ADCY7: variants seen among roughly 807,000 people sequenced by gnomAD.
The protein encoded by ADCY7 is adenylate cyclase type 7.
A neutral mutation model predicts 120.6 loss-of-function variants in ADCY7; 72 were observed. The ratio of observed to expected loss-of-function variants is 0.60; its 90% CI spans 0.49 to 0.73. The LOEUF is 0.73. Among genes scored for constraint, ADCY7 ranks in the 30% least tolerant of loss-of-function variants. ADCY7 has a pLI of 0.00. For missense variants in ADCY7, 1,227 were observed against 1,486.0 expected, an observed-to-expected ratio of 0.83 and a Z score of 2.87; for synonymous variants, 661 against 628.0, an observed-to-expected ratio of 1.05 and a Z score of -0.78.
Position 50,317,771 on chromosome 16 carries a change from C to T in ADCY7, c.*2266C>T, listed in dbSNP as rs1225006639. On this transcript the variant is annotated 3_prime_UTR_variant, in exon 26 of 26. Coordinates refer to ENST00000673801, the MANE Select transcript of ADCY7 (RefSeq NM_001114.5). ...GTCATTTTGTTTTATGACAGACACA[C>T]GTATCTAACAAACAAACAAACAGTG... The T allele has an allele frequency of 1.3e-5, 2 of 152,272 alleles. No homozygotes were observed. The highest frequency in any genetic ancestry group is 1.9e-4 in the East Asian group (1 of 5,340). 9.4% of individuals were successfully genotyped at this position (152,272 alleles called of 1,614,324 possible). A position where few individuals can be genotyped will look rare whatever the true frequency, so the allele number is the denominator to read the frequency against.
intron 7 of ADCY7, among the ~76,000 whole-genome samples, chr16:50,295,522 A>G (rs1243144381): frequency 6.6e-6 from 1 of 151,862 alleles, no homozygotes; most frequent in East Asian, 1.9e-4. Context: ...ACTTGAAAAA[A>G]TATCTGAGGA....
At position 50,314,041 on chromosome 16, in the gene ADCY7, C is replaced by T. The variant is rs192068546; in HGVS notation, c.2835C>T (p.Val945=). The change falls in exon 23 of 26, where the codon GTC becomes GTT. Residue 945 remains valine, a synonymous_variant. Transcript: ENST00000673801. ...STYMAAAGLS[V]ASGHENQELE... is the part of the protein sequence containing the mutation. ...ACATGGCAGCTGCAGGGCTCAGCGT[C>T]GCCTCAGGGCACGAGAACCAGGTAC... is the stretch of plus-strand genomic sequence containing the variant. 62 of 1,614,072 alleles carry T rather than the reference C, an allele frequency of 3.8e-5. 1 individual carries two copies. In the Admixed American group the frequency reaches 5.7e-4, roughly 15 times the overall value.
upstream of ADCY7, among the ~76,000 whole-genome samples, chr16:50,262,390 T>G (rs2033082137): frequency 6.6e-6 from 1 of 152,020 alleles, no homozygotes; most frequent in Non-Finnish European, 1.5e-5. Context: ...CCCGAGTAGC[T>G]GGGATTCAGG....
intron 1 of ADCY7, among the ~76,000 whole-genome samples, chr16:50,257,755 T>C (rs1052275070): frequency 4.0e-5 from 6 of 151,486 alleles, no homozygotes; most frequent in African/African-American, 1.2e-4. Flanking sequence ...ATCTTTTTTT[T>C]TCTTTTTTTG....
At chr16:50,271,742 G>A (rs576310458) in intron 1 of ADCY7, among the ~76,000 whole-genome samples, 6 of 152,220 alleles carry the variant, frequency 3.9e-5, no homozygotes, top group African/African-American at 1.4e-4. Flanking sequence ...TGCCTGGGGT[G>A]TTCTCCCCAA....
rs551578722 is a variant in ADCY7, at chr16:50,288,118, G to A, written c.-62G>A. On this transcript the variant is annotated 5_prime_UTR_variant, in exon 2 of 26. The change abolishes an upstream ATG in the 5' untranslated region. Coordinates refer to ENST00000673801, the MANE Select transcript of ADCY7 (RefSeq NM_001114.5). The stretch of plus-strand genomic sequence containing the variant: ...CGGGGGAGGGTGTTGGCAGACAGAT[G>A]CCCTCCAGGCCCTGGGGCCTCCTTA... 2.4e-4 allele frequency: 356 copies of A among 1,477,156 alleles called. 4 individuals are homozygous for A. The South Asian group carries it at 4.6e-3, about 19-fold the overall frequency. The allele number at this position is 1,477,156 out of a possible 1,614,324, so 91.5% of individuals were successfully genotyped here. A position where few individuals can be genotyped will look rare whatever the true frequency, so the allele number is the denominator to read the frequency against.
chr16:50,292,629 G>A (rs1567556077), intron 4 of ADCY7, 47 bp from the exon 5 acceptor site: 1 of 1,601,796 alleles, frequency 6.2e-7, no homozygotes. Context: ...GCCTCGGGAG[G>A]GCATGGGCCA....
At chr16:50,295,345 ATTTTTTTTTTTTTTTTT>A (rs67137852) in intron 7 of ADCY7, among the ~76,000 whole-genome samples, 3,986 of 82,948 alleles carry the variant, frequency 0.048, 259 homozygotes, top group African/African-American at 0.18. Flanking sequence ...CGCCTGGCTA[ATTTTTTTTTTTTTTTTT>A]TTTTTTTTTT....
At chr16:50,311,849 A>C in intron 20 of ADCY7, 63 bp downstream of exon 20, 1 of 1,218,436 alleles carries the variant, frequency 8.2e-7, no homozygotes, top group Non-Finnish European at 1.2e-6. Context: ...CTCCATCTGG[A>C]GATGGGGTGG....
chr16:50,304,998 C>A, intron 12 of ADCY7, 39 bp downstream of exon 12: 1 of 1,611,826 alleles, frequency 6.2e-7, no homozygotes, highest in African/African-American at 1.3e-5. Flanking sequence ...CTGCTGCAGC[C>A]ACCTCCTCCA....
At chr16:50,314,270 T>C in intron 23 of ADCY7, 22 bp from the exon 24 acceptor site, 1 of 1,609,936 alleles carries the variant, frequency 6.2e-7, no homozygotes. Context: ...TGCAAGGATC[T>C]GACCCACAGC....
intron 23 of ADCY7, 23 bp downstream of exon 23, chr16:50,314,085 AT>A (rs754514013): frequency 3.9e-5 from 62 of 1,606,612 alleles, no homozygotes; most frequent in Non-Finnish European, 5.1e-5. Flanking sequence ...AAGAGGTGAA[AT>A]TCAGCTGACT....
chr16:50,305,050 G>C (rs112669976), intron 12 of ADCY7, 91 bp downstream of exon 12: 4 of 1,506,896 alleles, frequency 2.7e-6, no homozygotes, highest in Non-Finnish European at 2.7e-6. Context: ...GGGCAGCTCC[G>C]CAAGGCCCAG....
rs201801704 is a variant in ADCY7, at chr16:50,292,810, C to T, written c.672C>T (p.Ile224=). The change falls in exon 5 of 26, where the codon ATC becomes ATT. Residue 224 remains isoleucine, a synonymous_variant. Coordinates refer to ENST00000673801, the MANE Select transcript of ADCY7 (RefSeq NM_001114.5). ...TCCAGATCCGCCGGAAGCTGCGCATCGAGAAGCGCCAGCAGGTGGGACCCG... is the reference window on the plus strand; with the variant it reads ...TCCAGATCCGCCGGAAGCTGCGCATTGAGAAGCGCCAGCAGGTGGGACCCG... ...KCIQIRRKLR[I]EKRQQENLLL... is the part of the protein sequence containing the mutation. The T allele has an allele frequency of 1.5e-4, 241 of 1,613,546 alleles. 1 individual carries two copies. Among genetic ancestry groups the T allele is most frequent in the South Asian group, 4.7e-4 (43 of 91,080 alleles).
At chr16:50,296,905 T>C (rs2035389019) in intron 7 of ADCY7, among the ~76,000 whole-genome samples, 1 of 152,214 alleles carries the variant, frequency 6.6e-6, no homozygotes, top group Admixed American at 6.5e-5. Context: ...TCAGAGGGCC[T>C]GTCTAGCCTG....
rs959101266 is a variant in ADCY7, at chr16:50,317,545, C to CAAAT, written c.*2043_*2046dup. Reference sequence around the variant, plus strand: ...ACAGAAACCCCAGTTGGGAGTTTAACAAATAACTGACTACCACTCACTCAT... The same window carrying CAAAT: ...ACAGAAACCCCAGTTGGGAGTTTAACAAATAAATAACTGACTACCACTCACTCAT... On this transcript the variant is annotated 3_prime_UTR_variant, in exon 26 of 26. Coordinates refer to ENST00000673801, the MANE Select transcript of ADCY7 (RefSeq NM_001114.5). The CAAAT allele has an allele frequency of 2.0e-5, 3 of 152,300 alleles. No individual in the cohort carries two copies. The highest frequency in any genetic ancestry group is 7.2e-5 in the African/African-American group (3 of 41,418). 9.4% of individuals were successfully genotyped at this position (152,300 alleles called of 1,614,324 possible). A position where few individuals can be genotyped will look rare whatever the true frequency, so the allele number is the denominator to read the frequency against.
intron 1 of ADCY7, among the ~76,000 whole-genome samples, chr16:50,250,456 C>CAAAA (rs34443362): frequency 7.2e-5 from 5 of 69,116 alleles, no homozygotes; most frequent in African/African-American, 2.2e-4. Flanking sequence ...GACTCTATCT[C>CAAAA]AAAAAAAAAA....
At chr16:50,269,727 C>A (rs935032923) in intron 1 of ADCY7, among the ~76,000 whole-genome samples, 5 of 152,124 alleles carry the variant, frequency 3.3e-5, no homozygotes, top group African/African-American at 1.2e-4. Context: ...GACACAGCAT[C>A]CTCTCTCCTA....
chr16:50,269,767 G>A (rs755131381), intron 1 of ADCY7, among the ~76,000 whole-genome samples: 8 of 152,166 alleles, frequency 5.3e-5, no homozygotes, highest in East Asian at 1.9e-4. Flanking sequence ...AGAGAGCAGC[G>A]CTTAACTCCG....
Sources: gnomAD v4.1 joint callset for allele counts (sites outside exome capture counted in the v4.1 genomes callset) on GRCh38, gnomAD v4.1.1 for gene constraint, MANE v1.5 for transcripts, NCBI Gene and HGNC (gene_info 2026-07-23, HGNC 2026-07-21) for gene names.